Variants in RAD51B observed in about 807,000 individuals in gnomAD.
RAD51B encodes the protein DNA repair protein RAD51 homolog 2.
A neutral mutation model predicts 42.2 loss-of-function variants in RAD51B; 38 were observed. That is an observed-to-expected ratio of 0.90 (90% confidence interval 0.70 to 1.18). The LOEUF is 1.18. Ranked by LOEUF, RAD51B falls within the 50% of genes most tolerant of loss-of-function variation. The pLI is 0.00. For synonymous variants in RAD51B, 154 were observed against 145.2 expected, an observed-to-expected ratio of 1.06 and a Z score of -0.43; for missense variants, 373 against 400.7, an observed-to-expected ratio of 0.93 and a Z score of 0.59.
chr14:68,218,744 A>T (rs1233572904), intron 7 of RAD51B, among the ~76,000 whole-genome samples: 1 of 152,248 alleles, frequency 6.6e-6, no homozygotes, highest in Non-Finnish European at 1.5e-5. Context: ...CAACTAAAAT[A>T]GTTTACAATA....
At chr14:68,508,760 G>A (rs1039236884) in intron 10 of RAD51B, among the ~76,000 whole-genome samples, 7 of 152,178 alleles carry the variant, frequency 4.6e-5, no homozygotes, top group Non-Finnish European at 5.9e-5. Flanking sequence ...TGGCTTCCCC[G>A]CCTGTCCCCA....
At chr14:67,859,307 G>T (rs2042090904) in intron 4 of RAD51B, among the ~76,000 whole-genome samples, 3 of 152,196 alleles carry the variant, frequency 2.0e-5, no homozygotes, top group Non-Finnish European at 2.9e-5. Flanking sequence ...TTCCTGCAAA[G>T]AAACTAAATT....
At chr14:68,528,795 T>C (rs1452185459) in intron 10 of RAD51B, among the ~76,000 whole-genome samples, 1 of 152,272 alleles carries the variant, frequency 6.6e-6, no homozygotes, top group Non-Finnish European at 1.5e-5. Flanking sequence ...CCTGTGAGCA[T>C]CTGTTGGGTG....
chr14:68,220,046 G>A (rs2079893727), intron 7 of RAD51B, among the ~76,000 whole-genome samples: 1 of 152,006 alleles, frequency 6.6e-6, no homozygotes, highest in Non-Finnish European at 1.5e-5. Flanking sequence ...GAGAAATGAA[G>A]TCCCAGCAAT....
At chr14:67,867,154 TGGGTC>T (rs910933146) in intron 5 of RAD51B, among the ~76,000 whole-genome samples, 31 of 152,170 alleles carry the variant, frequency 2.0e-4, no homozygotes, top group African/African-American at 7.5e-4. Flanking sequence ...TTTGTCATGG[TGGGTC>T]ATAGAATGGA....
intron 7 of RAD51B, among the ~76,000 whole-genome samples, chr14:67,895,030 C>T (rs141235648): frequency 1.3e-5 from 2 of 152,250 alleles, no homozygotes; most frequent in Non-Finnish European, 2.9e-5. Context: ...CCACTGTGGC[C>T]TCCTAAAGTT....
chr14:67,887,238 C>A, intron 7 of RAD51B, 34 bp downstream of exon 7: 1 of 1,519,028 alleles, frequency 6.6e-7, no homozygotes, highest in Non-Finnish European at 9.0e-7. Context: ...TTTTCTTTTC[C>A]TTTCTTTTGT....
intron 8 of RAD51B, among the ~76,000 whole-genome samples, chr14:68,388,094 ATTTT>A (rs10676248): frequency 4.2e-5 from 5 of 118,930 alleles, no homozygotes; most frequent in African/African-American, 1.7e-4. Context: ...ATATATATAT[ATTTT>A]TTTTTTTTTT....
At chr14:68,005,343 T>A (rs897681506) in intron 7 of RAD51B, among the ~76,000 whole-genome samples, 1 of 152,154 alleles carries the variant, frequency 6.6e-6, no homozygotes, top group African/African-American at 2.4e-5. Context: ...TGAGCCACCA[T>A]GCCTGGCCCA....
intron 7 of RAD51B, among the ~76,000 whole-genome samples, chr14:67,922,616 C>T (rs1172584162): frequency 6.7e-6 from 1 of 148,248 alleles, no homozygotes; most frequent in Non-Finnish European, 1.5e-5. Context: ...TGGATAAGTT[C>T]CTTAGTGGTT....
intron 7 of RAD51B, among the ~76,000 whole-genome samples, chr14:67,961,359 C>T (rs1379445350): frequency 6.6e-6 from 1 of 152,120 alleles, no homozygotes; most frequent in Non-Finnish European, 1.5e-5. Flanking sequence ...GAGGGCTATA[C>T]TTGCTAAAGC....
At chr14:68,561,930 A>T (rs917400767) in intron 10 of RAD51B, 16 of 981,768 alleles carry the variant, frequency 1.6e-5, no homozygotes, top group Non-Finnish European at 1.9e-5. Flanking sequence ...AAATGAGGTC[A>T]TGTGTGCAAA....
intron 7 of RAD51B, among the ~76,000 whole-genome samples, chr14:68,156,906 A>T (rs547450046): frequency 2.0e-4 from 30 of 152,308 alleles, no homozygotes; most frequent in African/African-American, 7.2e-4. Flanking sequence ...TCCATTTAAA[A>T]AGGACTCACA....
At chr14:68,123,574 G>A (rs773417923) in intron 7 of RAD51B, among the ~76,000 whole-genome samples, 63 of 152,106 alleles carry the variant, frequency 4.1e-4, no homozygotes, top group Non-Finnish European at 6.8e-4. Context: ...TTGGGAGGCC[G>A]AGATGGGTGG....
At chr14:67,824,860 T>C (rs2040759720) in intron 2 of RAD51B, among the ~76,000 whole-genome samples, 1 of 151,440 alleles carries the variant, frequency 6.6e-6, no homozygotes, top group South Asian at 2.1e-4. Flanking sequence ...GGGCAGATCA[T>C]GAGGTCAGGA....
At chr14:68,215,895 C>G (rs1435721557) in intron 7 of RAD51B, among the ~76,000 whole-genome samples, 2 of 152,140 alleles carry the variant, frequency 1.3e-5, no homozygotes, top group Non-Finnish European at 2.9e-5. Context: ...ATCTGAGGCT[C>G]TTATGGGATT....
chr14:67,918,261 G>C (rs1287472468), intron 7 of RAD51B, among the ~76,000 whole-genome samples: 1 of 152,084 alleles, frequency 6.6e-6, no homozygotes, highest in Non-Finnish European at 1.5e-5. Context: ...TTGAGATGGA[G>C]TCTCACTCTG....
chr14:68,341,578 TC>T (rs142118831), intron 8 of RAD51B, among the ~76,000 whole-genome samples: 5,066 of 152,328 alleles, frequency 0.033, 256 homozygotes, highest in African/African-American at 0.1. Context: ...AATGTCATCA[TC>T]GTTTCTGCTG....
In RAD51B at chr14:68,016,374, G is replaced by A. The variant is rs563450712; in HGVS notation, c.756+129170G>A. 4.6e-5 allele frequency among the ~76,000 whole-genome samples: 7 copies of A among 152,174 alleles called. No homozygotes were observed. The South Asian group carries it at 1.5e-3, about 32-fold the overall frequency. On this transcript the variant is annotated intron_variant, in intron 7 of 10. Transcript: ENST00000471583. ...CCACCAACATGATACAACTAGATGT[G>A]GAGTTTGGAAGGGTGTGCACTGGAA...
Sources: allele counts gnomAD v4.1 joint callset (sites outside exome capture counted in the v4.1 genomes callset), GRCh38; gene constraint gnomAD v4.1.1; transcripts MANE v1.5; gene names NCBI Gene and HGNC (gene_info 2026-07-23, HGNC 2026-07-21).